LINGO2: variants seen among roughly 807,000 people sequenced by gnomAD.
The protein encoded by LINGO2 is leucine-rich repeat and immunoglobulin-like domain-containing nogo receptor-interacting protein 2.
A neutral mutation model predicts 30.6 loss-of-function variants in LINGO2; 14 were observed. That is an observed-to-expected ratio of 0.46 (90% CI 0.30 to 0.72). The LOEUF (loss-of-function observed/expected upper bound fraction) is 0.72, where lower values mean the gene tolerates loss of function less well. Among genes scored for constraint, LINGO2 ranks in the 30% least tolerant of loss-of-function variants. LINGO2 has a pLI of 0.07. For missense variants in LINGO2, 729 were observed against 751.7 expected, an observed-to-expected ratio of 0.97 and a Z score of 0.35; for synonymous variants, 317 against 288.5, an observed-to-expected ratio of 1.10 and a Z score of -1.00.
At chr9:28,879,945 C>T in the LINGO2 span, among the ~76,000 whole-genome samples, 2 of 152,066 alleles carry the variant, frequency 1.3e-5, no homozygotes, top group African/African-American at 4.8e-5. Flanking sequence ...GCTACCAGTT[C>T]CTAGTCTTCC....
At chr9:29,152,423 C>A in the LINGO2 span, among the ~76,000 whole-genome samples, 11 of 152,108 alleles carry the variant, frequency 7.2e-5, no homozygotes, top group Admixed American at 6.6e-4. Flanking sequence ...GTGCCATCAA[C>A]AGTGGACTGC....
chr9:28,003,311 AGTTTTTG>A, intron 5 of LINGO2, among the ~76,000 whole-genome samples: 1 of 151,896 alleles, frequency 6.6e-6, no homozygotes, highest in South Asian at 2.1e-4. Flanking sequence ...CATTTTTATT[AGTTTTTG>A]TTAACCATAT....
rs574778966 is a variant in LINGO2 at position 28,663,239 on chromosome 9, C to T, written c.-365+6961G>A. Among the ~76,000 whole-genome samples, 299 of 152,174 alleles carry T rather than the reference C, an allele frequency of 2.0e-3. 1 individual carries two copies. Among genetic ancestry groups the T allele is most frequent in the African/African-American group, 6.9e-3 (286 of 41,530 alleles). On this transcript the variant is annotated intron_variant, in intron 1 of 5. Coordinates refer to ENST00000379992, the Ensembl canonical transcript of LINGO2. ...AGGCTGGAGTGCAGTGGTGCCATCT[C>T]GGCTCGCTGCAACCTCTGCTGCCTG...
intron 1 of LINGO2, among the ~76,000 whole-genome samples, chr9:28,563,015 T>A (rs1432358155): frequency 2.0e-5 from 3 of 151,898 alleles, no homozygotes; most frequent in Non-Finnish European, 2.9e-5. Context: ...CCCTGCTAAT[T>A]TTTGTATTTT....
chr9:28,248,424 A>C lies in LINGO2; in HGVS notation c.-87+46784T>G, dbSNP rs557011962. ...AAAATCTGAAGAATTAAACTCATGG[A>C]CATAGAGAAGAGAGAAACAGTGGTC... On this transcript the variant is annotated intron_variant, in intron 4 of 5. Coordinates refer to ENST00000379992, the Ensembl canonical transcript of LINGO2. Among the ~76,000 whole-genome samples the C allele has an allele frequency of 2.6e-5, 4 of 152,292 alleles. No individual in the cohort carries two copies. In the East Asian group the frequency reaches 7.7e-4, roughly 29 times the overall value.
intron 4 of LINGO2, among the ~76,000 whole-genome samples, chr9:28,240,729 T>C: frequency 6.6e-6 from 1 of 152,142 alleles, no homozygotes; most frequent in South Asian, 2.1e-4. Flanking sequence ...TAAATTGGTC[T>C]GGGCAAAAAT....
chr9:29,091,305 G>C, the LINGO2 span, among the ~76,000 whole-genome samples: 1 of 152,062 alleles, frequency 6.6e-6, no homozygotes, highest in East Asian at 1.9e-4. Flanking sequence ...TGGAAACACT[G>C]AATCTCCCCA....
chr9:28,302,673 A>G (rs181217239), intron 3 of LINGO2, among the ~76,000 whole-genome samples: 1 of 152,256 alleles, frequency 6.6e-6, no homozygotes, highest in East Asian at 1.9e-4. Context: ...CCTGTCTCAA[A>G]TATATATATT....
At chr9:28,683,325 C>A in the LINGO2 span, among the ~76,000 whole-genome samples, 1 of 152,076 alleles carries the variant, frequency 6.6e-6, no homozygotes. Flanking sequence ...TTTGTACCAT[C>A]ATTTTCCTGT....
intron 4 of LINGO2, among the ~76,000 whole-genome samples, chr9:28,190,686 A>G (rs769200577): frequency 2.6e-5 from 4 of 152,118 alleles, no homozygotes; most frequent in Non-Finnish European, 4.4e-5. Flanking sequence ...TCTATTGTTT[A>G]TAAGCCACCC....
the LINGO2 span, among the ~76,000 whole-genome samples, chr9:28,876,935 C>T: frequency 6.8e-4 from 104 of 152,130 alleles, no homozygotes; most frequent in African/African-American, 2.6e-4. Flanking sequence ...TTTTTAATGA[C>T]TGCCATTCTA....
the LINGO2 span, among the ~76,000 whole-genome samples, chr9:29,140,131 A>G: frequency 6.6e-6 from 1 of 152,024 alleles, no homozygotes; most frequent in Admixed American, 6.6e-5. Flanking sequence ...AAAGTTGGCT[A>G]TTTTTTCAAA....
chr9:28,042,616 T>TA (rs753487481), intron 4 of LINGO2, among the ~76,000 whole-genome samples: 3 of 152,200 alleles, frequency 2.0e-5, no homozygotes, highest in Non-Finnish European at 4.4e-5. Flanking sequence ...TATTTTTCCC[T>TA]ACTCTAATTC....
In LINGO2 at chr9:28,130,230, T is replaced by C. The variant is rs1346295976; in HGVS notation, c.-86-117825A>G. Reference sequence around the variant, plus strand: ...ATAGACCTTAACACACTTCATCAGATTTTGAAACTTGCTGCTTATTTTCTG... The same window carrying C: ...ATAGACCTTAACACACTTCATCAGACTTTGAAACTTGCTGCTTATTTTCTG... On this transcript the variant is annotated intron_variant, in intron 4 of 5. Coordinates refer to ENST00000379992, the Ensembl canonical transcript of LINGO2. The surrounding 1 kb of genome is among the most constrained non-coding windows in gnomAD (Gnocchi z 5.2). 6.6e-6 allele frequency among the ~76,000 whole-genome samples: 1 copy of C among 152,314 alleles called. No individual in the cohort carries two copies. The highest frequency in any genetic ancestry group is 2.4e-5 in the African/African-American group (1 of 41,574).
At chr9:28,009,031 A>C (rs901695600) in intron 5 of LINGO2, among the ~76,000 whole-genome samples, 1 of 152,192 alleles carries the variant, frequency 6.6e-6, no homozygotes, top group African/African-American at 2.4e-5. Flanking sequence ...AGCAACAGTA[A>C]TCAAAACAGT....
the LINGO2 span, among the ~76,000 whole-genome samples, chr9:29,154,594 TGGTGG>T: frequency 2.6e-5 from 4 of 152,170 alleles, no homozygotes; most frequent in East Asian, 7.7e-4. Context: ...TACAGTCAAC[TGGTGG>T]AGTTCCTTTG....
At chr9:28,770,228 C>T in the LINGO2 span, among the ~76,000 whole-genome samples, 296 of 152,264 alleles carry the variant, frequency 1.9e-3, 1 homozygote, top group African/African-American at 7.0e-3. Context: ...CTGGGTGCCA[C>T]TTGTATCAGT....
At chr9:27,949,917 G>A in exon 6 of LINGO2, 1 of 1,614,142 alleles carries the variant, frequency 6.2e-7, no homozygotes. Context: ...TGAAAGGGAT[G>A]TGAGGTTGAG....
At chr9:28,200,412 A>G (rs1326223473) in intron 4 of LINGO2, among the ~76,000 whole-genome samples, 1 of 152,182 alleles carries the variant, frequency 6.6e-6, no homozygotes, top group Non-Finnish European at 1.5e-5. Flanking sequence ...GGCTTTATCC[A>G]AGGTAGCATC....
Sources: allele counts gnomAD v4.1 joint callset (sites outside exome capture counted in the v4.1 genomes callset), GRCh38; gene constraint gnomAD v4.1.1; non-coding constraint Gnocchi (gnomAD v3.1); transcripts MANE v1.5; gene names NCBI Gene and HGNC (gene_info 2026-07-23, HGNC 2026-07-21).